HSPA4: variants seen among roughly 807,000 people sequenced by gnomAD.
The protein encoded by HSPA4 is heat shock protein family A (Hsp70) member 4.
HSPA4 carries 25 observed loss-of-function variants against 106.2 expected under a neutral mutation model. The ratio of observed to expected loss-of-function variants is 0.24; its 90% CI spans 0.17 to 0.33. The LOEUF (loss-of-function observed/expected upper bound fraction) is 0.33, where lower values mean the gene tolerates loss of function less well. Ranked by LOEUF, HSPA4 falls within the 10% of genes least tolerant of loss-of-function variation. The probability of loss-of-function intolerance (pLI) is 1.00; values close to 1 mark genes in which losing one functional copy is unlikely to be tolerated. For missense variants in HSPA4, 841 were observed against 996.0 expected (o/e 0.84, Z 2.10); for synonymous variants, 332 against 333.6 (o/e 1.00, Z 0.05).
At chr5:133,060,647 C>A (rs1287898227) in intron 1 of HSPA4, among the ~76,000 whole-genome samples, 1 of 152,148 alleles carries the variant, frequency 6.6e-6, no homozygotes, top group Non-Finnish European at 1.5e-5. Flanking sequence ...CAGGCCTGAG[C>A]CAGCGCGCCT....
intron 7 of HSPA4, 146 bp downstream of exon 7, chr5:133,077,044 C>A: frequency 1.5e-6 from 1 of 677,128 alleles, no homozygotes; most frequent in Non-Finnish European, 2.4e-6. Flanking sequence ...ATTCAGGACC[C>A]TGCTTTTTAT....
chr5:133,103,046 C>CT (rs981309882), intron 17 of HSPA4, among the ~76,000 whole-genome samples: 1 of 151,424 alleles, frequency 6.6e-6, no homozygotes, highest in African/African-American at 2.4e-5. Context: ...CAGGCCCCTC[C>CT]TTTTTTTGTT....
chr5:133,105,271 G>A lies in HSPA4; in HGVS notation c.*835G>A, dbSNP rs997483053. The A allele has an allele frequency of 6.6e-6, 1 of 152,164 alleles. No individual in the cohort carries two copies. Among genetic ancestry groups the A allele is most frequent in the Non-Finnish European group, 1.5e-5 (1 of 68,022 alleles). The allele number at this position is 152,164 out of a possible 1,614,324, so 9.4% of individuals were successfully genotyped here. On this transcript the variant is annotated 3_prime_UTR_variant, in exon 19 of 19. Transcript: ENST00000304858. ...TGTATCCTGGCCTGTTTATTCAGGT[G>A]GGAGATGTTCTGTATAATTTTGAGG...
At chr5:133,083,035 T>C (rs951257181) in intron 7 of HSPA4, among the ~76,000 whole-genome samples, 2 of 150,712 alleles carry the variant, frequency 1.3e-5, no homozygotes, top group Non-Finnish European at 2.9e-5. Flanking sequence ...CTCGGGAGGC[T>C]GAGGCAGGAG....
rs747489619 is a variant in HSPA4, at chr5:133,104,607, T to G, written c.*171T>G. 55 of 604,048 alleles carry G rather than the reference T, an allele frequency of 9.1e-5. 1 individual carries two copies. Among genetic ancestry groups the G allele is most frequent in the Middle Eastern group, 4.5e-4 (1 of 2,246 alleles). The allele number at this position is 604,048 out of a possible 1,614,324, so 37.4% of individuals were successfully genotyped here. Reference sequence around the variant, plus strand: ...TGGAGCATTTTCACTTCTAAATAGTTAGATACAGAAATTAAGTGCATTGTA... The same window carrying G: ...TGGAGCATTTTCACTTCTAAATAGTGAGATACAGAAATTAAGTGCATTGTA... On this transcript the variant is annotated 3_prime_UTR_variant, in exon 19 of 19. Transcript: ENST00000304858.
intron 13 of HSPA4, 53 bp from the exon 14 acceptor site, chr5:133,096,045 A>G (rs1765707338): frequency 6.8e-7 from 1 of 1,467,550 alleles, no homozygotes; most frequent in South Asian, 1.3e-5. Flanking sequence ...CTCATTTTGA[A>G]GTTTAAGGTA....
chr5:133,077,560 T>C (rs1009031252), intron 7 of HSPA4, among the ~76,000 whole-genome samples: 1 of 152,146 alleles, frequency 6.6e-6, no homozygotes, highest in Non-Finnish European at 1.5e-5. Flanking sequence ...TTTTGAAATA[T>C]TCGGGTTCAC....
rs1366428323 is a variant in HSPA4, at chr5:133,104,485, G to A, written c.*49G>A. On this transcript the variant is annotated 3_prime_UTR_variant, in exon 19 of 19. Coordinates refer to ENST00000304858, the MANE Select transcript of HSPA4 (RefSeq NM_002154.4). Reference sequence around the variant, plus strand: ...ACAGACTATTATAAAGCTTTAAGTTGTCAACTTTGTTCTAAATATCAACTA... The same window carrying A: ...ACAGACTATTATAAAGCTTTAAGTTATCAACTTTGTTCTAAATATCAACTA... The A allele has an allele frequency of 4.6e-6, 7 of 1,524,316 alleles. No individual in the cohort carries two copies. The highest frequency in any genetic ancestry group is 6.3e-6 in the Non-Finnish European group (7 of 1,107,416). The allele number at this position is 1,524,316 out of a possible 1,614,324, so 94.4% of individuals were successfully genotyped here. A position where few individuals can be genotyped will look rare whatever the true frequency, so the allele number is the denominator to read the frequency against.
chr5:133,067,202 A>G (rs1307096853), intron 2 of HSPA4, among the ~76,000 whole-genome samples: 2 of 152,130 alleles, frequency 1.3e-5, no homozygotes, highest in African/African-American at 2.4e-5. Flanking sequence ...GCAGGGCTCT[A>G]TTTTTAGCCC....
chr5:133,053,467 GCCTCCT>G (rs1765110601), intron 1 of HSPA4, among the ~76,000 whole-genome samples: 1 of 151,324 alleles, frequency 6.6e-6, no homozygotes, highest in Non-Finnish European at 1.5e-5. Flanking sequence ...TCCCACCTCA[GCCTCCT>G]GAGTAGCTGG....
chr5:133,089,814 G>A (rs1304452768), intron 11 of HSPA4, 119 bp downstream of exon 11: 3 of 701,098 alleles, frequency 4.3e-6, no homozygotes, highest in Non-Finnish European at 6.6e-6. Context: ...AGGAGTTCGA[G>A]ATCAGCCTGG....
chr5:133,073,905 C>A (rs1163400473), intron 5 of HSPA4, 88 bp from the exon 6 acceptor site: 2 of 795,114 alleles, frequency 2.5e-6, no homozygotes, highest in African/African-American at 1.8e-5. Flanking sequence ...TAGTTGCATT[C>A]GTTATATATA....
chr5:133,103,870 C>T lies in HSPA4; in HGVS notation c.2163C>T (p.Asp721=). Residue 721 remains aspartate (D), a synonymous_variant, in exon 18 of 19, where the codon GAC becomes GAT. Coordinates refer to ENST00000304858, the MANE Select transcript of HSPA4 (RefSeq NM_002154.4). ...TGACTGTCTCCTGGTTGCAGGAGGA[C>T]CAGTATGATCATTTGGATGCTGCTG... ...KIISSFKNKE[D]QYDHLDAADM... is the part of the protein sequence containing the mutation. 2 of 1,612,766 alleles carry T rather than the reference C, an allele frequency of 1.2e-6. No homozygotes were observed. Among genetic ancestry groups the T allele is most frequent in the Non-Finnish European group, 1.7e-6 (2 of 1,179,542 alleles).
At chr5:133,076,566 TAGATAAA>T in intron 6 of HSPA4, 81 bp from the exon 7 acceptor site, 1 of 1,182,698 alleles carries the variant, frequency 8.5e-7, no homozygotes, top group Non-Finnish European at 1.2e-6. Flanking sequence ...TCTTTTTTTT[TAGATAAA>T]CAACTTACCA....
chr5:133,093,127 G>A lies in HSPA4; in HGVS notation c.1650+338G>A, dbSNP rs1007486752. On this transcript the variant is annotated intron_variant, in intron 13 of 18. Transcript: ENST00000304858. Reference sequence around the variant, plus strand: ...ATTACAGGCGTGAGCCACCACACCCGGCTGAGTTGTGTTTTAGAGTATGCA... The same window carrying A: ...ATTACAGGCGTGAGCCACCACACCCAGCTGAGTTGTGTTTTAGAGTATGCA... Among the ~76,000 whole-genome samples, 7 of 151,860 alleles carry A rather than the reference G, an allele frequency of 4.6e-5. No homozygotes were observed. In the South Asian group the frequency reaches 1.3e-3, roughly 27 times the overall value.
At chr5:133,073,938 A>T in intron 5 of HSPA4, 55 bp from the exon 6 acceptor site, 1 of 1,309,982 alleles carries the variant, frequency 7.6e-7, no homozygotes, top group Admixed American at 2.8e-5. Context: ...TCCTGCTTAA[A>T]TGAATTTTAT....
At chr5:133,083,121 C>G (rs111243648) in intron 7 of HSPA4, among the ~76,000 whole-genome samples, 2,201 of 135,316 alleles carry the variant, frequency 0.016, 27 homozygotes, top group Middle Eastern at 0.047. Flanking sequence ...GATGACAGAG[C>G]GAGACTCCAT....
intron 8 of HSPA4, among the ~76,000 whole-genome samples, chr5:133,088,179 C>A (rs1455530606): frequency 1.3e-5 from 2 of 152,120 alleles, no homozygotes; most frequent in Non-Finnish European, 2.9e-5. Context: ...CCCTCACCTC[C>A]TAAATCCCAC....
chr5:133,097,571 A>G (rs1213578612), intron 15 of HSPA4, among the ~76,000 whole-genome samples: 1 of 138,628 alleles, frequency 7.2e-6, no homozygotes, highest in Non-Finnish European at 1.5e-5. Context: ...TTTTTGAGAC[A>G]GAGTTTTGCT....
Sources: gnomAD v4.1 joint callset for allele counts (sites outside exome capture counted in the v4.1 genomes callset) on GRCh38, gnomAD v4.1.1 for gene constraint, MANE v1.5 for transcripts, NCBI Gene and HGNC (gene_info 2026-07-23, HGNC 2026-07-21) for gene names.